BTBD3: variants seen among roughly 807,000 people sequenced by gnomAD.
BTBD3 encodes BTB domain containing 3, also known as BTB/POZ domain-containing protein 3.
BTBD3 carries 14 observed loss-of-function variants against 41.6 expected under a neutral mutation model. The ratio of observed to expected loss-of-function variants is 0.34; its 90% confidence interval spans 0.22 to 0.53. The LOEUF (loss-of-function observed/expected upper bound fraction) is 0.53. BTBD3 is among the 20% of genes least tolerant of loss of function. BTBD3 has a pLI of 0.95. For missense variants in BTBD3, 426 were observed against 654.7 expected (o/e 0.65, Z 3.81); for synonymous variants, 249 against 233.7 (o/e 1.07, Z -0.60).
At chr20:11,909,647 A>G (rs1244611050) in intron 1 of BTBD3, 1 of 152,204 alleles carries the variant, frequency 6.6e-6, no homozygotes, top group Non-Finnish European at 1.5e-5. Context: ...TTCTGGTCGC[A>G]TACATTGTAA....
chr20:11,905,025 T>A (rs2056845338), intron 1 of BTBD3, among the ~76,000 whole-genome samples: 1 of 152,242 alleles, frequency 6.6e-6, no homozygotes, highest in African/African-American at 2.4e-5. Context: ...TTATACAGTA[T>A]CAAAAATCAT....
rs1431520282 is a variant in BTBD3 at position 11,926,583 on chromosome 20, A to G, written c.*2917A>G. The G allele has an allele frequency of 1.3e-5, 2 of 152,652 alleles. No individual in the cohort carries two copies. Among genetic ancestry groups the G allele is most frequent in the Non-Finnish European group, 2.9e-5 (2 of 68,038 alleles). The allele number at this position is 152,652 out of a possible 1,614,324, so 9.5% of individuals were successfully genotyped here. ...TATAATCATGTTAAATGCAAATAAA[A>G]CTAGTTCATAGATTTGTTTTCCTTT... On this transcript the variant is annotated 3_prime_UTR_variant, in exon 4 of 4. Coordinates refer to ENST00000378226, the MANE Select transcript of BTBD3 (RefSeq NM_014962.4).
At chr20:11,899,704 T>C (rs140276767) in intron 1 of BTBD3, among the ~76,000 whole-genome samples, 175 of 152,320 alleles carry the variant, frequency 1.1e-3, no homozygotes, top group African/African-American at 3.9e-3. Flanking sequence ...TAGGCTCCTT[T>C]TGTGTCCTTC....
chr20:11,906,699 A>T (rs1014941763), intron 1 of BTBD3, among the ~76,000 whole-genome samples: 2 of 152,202 alleles, frequency 1.3e-5, no homozygotes, highest in Admixed American at 1.3e-4. Flanking sequence ...TGTAAGCAGT[A>T]TACTTTTCTA....
At chr20:11,893,548 T>C (rs945879482) in intron 1 of BTBD3, among the ~76,000 whole-genome samples, 1 of 152,246 alleles carries the variant, frequency 6.6e-6, no homozygotes, top group African/African-American at 2.4e-5. Flanking sequence ...CAATTTAGTA[T>C]CTCTTTCAGC....
At chr20:11,900,670 A>G (rs983847183) in intron 1 of BTBD3, among the ~76,000 whole-genome samples, 1 of 151,434 alleles carries the variant, frequency 6.6e-6, no homozygotes, top group African/African-American at 2.4e-5. Flanking sequence ...TTCATGGAGA[A>G]TGTAGCAAAA....
At chr20:11,906,054 C>G (rs2056851556) in intron 1 of BTBD3, among the ~76,000 whole-genome samples, 1 of 151,882 alleles carries the variant, frequency 6.6e-6, no homozygotes, top group South Asian at 2.1e-4. Context: ...AAAATTTGAG[C>G]AGATTTATTT....
rs2056992406 is a variant in BTBD3, at chr20:11,923,719, T to G, written c.*53T>G. 6 of 1,498,276 alleles carry G rather than the reference T, an allele frequency of 4.0e-6. No individual in the cohort carries two copies. The Admixed American group carries it at 1.2e-4, about 30-fold the overall frequency. The allele number at this position is 1,498,276 out of a possible 1,614,324, so 92.8% of individuals were successfully genotyped here. A position where few individuals can be genotyped will look rare whatever the true frequency, so the allele number is the denominator to read the frequency against. ...TCCAAAGTGCACATCTGGTTCCAAC[T>G]TGCCTGATGCTTAGCTCATCTGCAA... On this transcript the variant is annotated 3_prime_UTR_variant, in exon 4 of 4. Coordinates refer to ENST00000378226, the MANE Select transcript of BTBD3 (RefSeq NM_014962.4). This position sits in a 1 kb window ranked among gnomAD's most constrained non-coding sequence, Gnocchi z 5.3.
At chr20:11,919,405 T>C in intron 2 of BTBD3, 1 of 1,406,082 alleles carries the variant, frequency 7.1e-7, no homozygotes, top group Non-Finnish European at 9.2e-7. Flanking sequence ...TCTCCAGACA[T>C]GGGAAGTTGT....
rs1451425575 is a variant in BTBD3, at chr20:11,918,605, A to G, written c.326+4A>G. On this transcript the variant is annotated splice_donor_region_variant and intron_variant, in intron 1 of 3. Transcript: ENST00000378226. Reference sequence around the variant, plus strand: ...TTTATCCCACCATTAGAGAGAGGTAAGTGCCGCGCTAGTCTATTTACTTTA... The same window carrying G: ...TTTATCCCACCATTAGAGAGAGGTAGGTGCCGCGCTAGTCTATTTACTTTA... The G allele has an allele frequency of 1.3e-6, 2 of 1,578,594 alleles. No individual in the cohort carries two copies. Among genetic ancestry groups the G allele is most frequent in the South Asian group, 2.4e-5 (2 of 84,736 alleles).
rs998688829 is a variant in BTBD3 at position 11,918,357 on chromosome 20, A to G, written c.82A>G (p.Lys28Glu). 41 of 1,613,992 alleles carry G rather than the reference A, an allele frequency of 2.5e-5. No individual in the cohort carries two copies. The highest frequency in any genetic ancestry group is 3.5e-5 in the Non-Finnish European group (41 of 1,180,020). The change falls in exon 1 of 4, where the codon AAA becomes GAA. Residue 28 changes from lysine to glutamate, a missense_variant. Around this residue, in one of 3 missense-constraint regions of BTBD3, gnomAD observed 53 missense variants for 74.8 expected, o/e 0.71. Coordinates refer to ENST00000378226, the MANE Select transcript of BTBD3 (RefSeq NM_014962.4). ...LPETVKNRSK[K>E]SSKKANTSSS... Reference sequence around the variant, plus strand: ...AGAGACGGTAAAGAACAGGTCCAAGAAAAGCTCAAAGAAAGCAAATACCAG... The same window carrying G: ...AGAGACGGTAAAGAACAGGTCCAAGGAAAGCTCAAAGAAAGCAAATACCAG...
intron 3 of BTBD3, 113 bp from the exon 4 acceptor site, chr20:11,922,521 A>G (rs989239401): frequency 2.4e-6 from 2 of 830,286 alleles, no homozygotes; most frequent in African/African-American, 3.4e-5. Flanking sequence ...TGTTTGTATT[A>G]ACTGTCACAT....
chr20:11,894,564 C>A (rs777853241), intron 1 of BTBD3, among the ~76,000 whole-genome samples: 1 of 151,262 alleles, frequency 6.6e-6, no homozygotes, highest in Non-Finnish European at 1.5e-5. Context: ...ACTTTGCCTA[C>A]TTTAAAGTGG....
At position 11,918,455 on chromosome 20, in the gene BTBD3, G is replaced by C. The variant is rs2056936478; in HGVS notation, c.180G>C (p.Lys60Asn). The change falls in exon 1 of 4, where the codon AAG becomes AAC. Residue 60 changes from lysine to asparagine, a missense_variant. Physicochemically the swap from Lys to Asn is moderately conservative, Grantham distance 94. Around this residue, in one of 3 missense-constraint regions of BTBD3, gnomAD observed 53 missense variants for 74.8 expected, o/e 0.71. Transcript: ENST00000378226. The part of the protein sequence containing the change: ...YEIITLKTKK[K>N]KMAADIFPRK... ...TAATTACCTTGAAGACTAAAAAGAAGAAGATGGCTGCTGATATATTCCCCC... is the reference window on the plus strand; with the variant it reads ...TAATTACCTTGAAGACTAAAAAGAACAAGATGGCTGCTGATATATTCCCCC... 6.2e-7 allele frequency: 1 copy of C among 1,614,012 alleles called. No individual in the cohort carries two copies. Among genetic ancestry groups the C allele is most frequent in the African/African-American group, 1.3e-5 (1 of 74,908 alleles).
In BTBD3 at chr20:11,926,509, A is replaced by G. The variant is rs1162247282; in HGVS notation, c.*2843A>G. ...AGTACCTCATGTTGAATGTTATTGTACTGTATTTTTAATGTAACAGTGCAG... is the reference window on the plus strand; with the variant it reads ...AGTACCTCATGTTGAATGTTATTGTGCTGTATTTTTAATGTAACAGTGCAG... On this transcript the variant is annotated 3_prime_UTR_variant, in exon 4 of 4. Coordinates refer to ENST00000378226, the MANE Select transcript of BTBD3 (RefSeq NM_014962.4). 1 of 152,678 alleles carries G rather than the reference A, an allele frequency of 6.5e-6. No individual in the cohort carries two copies. The highest frequency in any genetic ancestry group is 1.5e-5 in the Non-Finnish European group (1 of 68,048). The allele number at this position is 152,678 out of a possible 1,614,324, so 9.5% of individuals were successfully genotyped here. A position where few individuals can be genotyped will look rare whatever the true frequency, so the allele number is the denominator to read the frequency against.
intron 2 of BTBD3, chr20:11,919,454 T>A (rs2056946710): frequency 1.4e-6 from 2 of 1,400,024 alleles, no homozygotes; most frequent in African/African-American, 1.4e-5. Flanking sequence ...ACCCTTCTCC[T>A]AGAAATTAGT....
chr20:11,904,178 A>G (rs2056839916), intron 1 of BTBD3, among the ~76,000 whole-genome samples: 1 of 152,188 alleles, frequency 6.6e-6, no homozygotes, highest in Non-Finnish European at 1.5e-5. Flanking sequence ...AAAGAGGTTT[A>G]ATTGGCTCAC....
intron 1 of BTBD3, among the ~76,000 whole-genome samples, chr20:11,896,486 A>T: frequency 6.6e-6 from 1 of 152,208 alleles, no homozygotes; most frequent in East Asian, 1.9e-4. Flanking sequence ...TAGATTTAGC[A>T]TTCTGTAACG....
At chr20:11,919,978 C>T (rs1331033878) in intron 3 of BTBD3, 142 bp downstream of exon 3, 10 of 715,566 alleles carry the variant, frequency 1.4e-5, no homozygotes, top group Admixed American at 4.5e-5. Flanking sequence ...TAAATGTTTT[C>T]GGAAAAGAAC....
Sources: allele counts gnomAD v4.1 joint callset (sites outside exome capture counted in the v4.1 genomes callset), GRCh38; gene constraint gnomAD v4.1.1; regional missense constraint gnomAD v4.1.1; non-coding constraint Gnocchi (gnomAD v3.1); transcripts MANE v1.5; gene names NCBI Gene and HGNC (gene_info 2026-07-23, HGNC 2026-07-21).